Variants in STPG2 observed in about 807,000 individuals in gnomAD.
STPG2 encodes the protein sperm tail PG-rich repeat containing 2.
Under a neutral mutation model 54.2 loss-of-function variants are expected in STPG2, and 56 were observed. The observed-to-expected ratio is 1.03, with a 90% CI of 0.83 to 1.29. The LOEUF (loss-of-function observed/expected upper bound fraction) is 1.29, where lower values mean the gene tolerates loss of function less well. Ranked by LOEUF, STPG2 falls within the 50% of genes most tolerant of loss-of-function variation. The pLI, the probability that STPG2 is intolerant of heterozygous loss-of-function variation, is 0.00. For missense variants in STPG2, 596 were observed against 544.9 expected (o/e 1.09, Z -0.93); for synonymous variants, 200 against 181.8 (o/e 1.10, Z -0.81).
intron 10 of STPG2, among the ~76,000 whole-genome samples, chr4:97,712,193 C>T (rs565846135): frequency 4.9e-4 from 74 of 152,168 alleles, no homozygotes; most frequent in Admixed American, 1.1e-3. Context: ...CTATTGTGAA[C>T]ACAGTTTCTA....
intron 4 of STPG2, among the ~76,000 whole-genome samples, chr4:97,540,228 C>A (rs569028691): frequency 6.6e-6 from 1 of 151,882 alleles, no homozygotes; most frequent in African/African-American, 2.4e-5. Flanking sequence ...AGATTGCTAG[C>A]AAGACTAATA....
At chr4:98,093,018 TAA>T (rs1738736107) in intron 5 of STPG2, among the ~76,000 whole-genome samples, 1 of 152,142 alleles carries the variant, frequency 6.6e-6, no homozygotes, top group African/African-American at 2.4e-5. Context: ...GTTATGTCAA[TAA>T]AGAGCCAAAG....
intron 8 of STPG2, among the ~76,000 whole-genome samples, chr4:97,933,131 T>A (rs1732613391): frequency 6.6e-6 from 1 of 152,228 alleles, no homozygotes; most frequent in Non-Finnish European, 1.5e-5. Flanking sequence ...ATGTTGAGCT[T>A]TTTTTCATTT....
intron 5 of STPG2, among the ~76,000 whole-genome samples, chr4:97,995,454 G>A (rs2149272113): frequency 6.6e-6 from 1 of 152,244 alleles, no homozygotes; most frequent in East Asian, 1.9e-4. Flanking sequence ...AGTTAGTCCT[G>A]CCTCCTATCC....
chr4:97,989,449 T>C (rs959147092), intron 5 of STPG2, among the ~76,000 whole-genome samples: 1 of 152,148 alleles, frequency 6.6e-6, no homozygotes, highest in Admixed American at 6.5e-5. Flanking sequence ...TTTTTTTCTA[T>C]ACATATATAT....
At chr4:97,762,835 A>C (rs1174021938) in intron 9 of STPG2, among the ~76,000 whole-genome samples, 5 of 152,190 alleles carry the variant, frequency 3.3e-5, no homozygotes, top group Non-Finnish European at 5.9e-5. Flanking sequence ...TATGGCTAAA[A>C]AAGAGGAATA....
chr4:97,905,712 T>C (rs1189613967), intron 8 of STPG2, among the ~76,000 whole-genome samples: 1 of 151,954 alleles, frequency 6.6e-6, no homozygotes, highest in Admixed American at 6.6e-5. Context: ...AGGAAACCCA[T>C]CTCACGTGCA....
At chr4:97,523,526 A>T (rs72684421) in intron 4 of STPG2, among the ~76,000 whole-genome samples, 2,820 of 152,070 alleles carry the variant, frequency 0.019, 49 homozygotes, top group Non-Finnish European at 0.026. Context: ...AAGGGTGATT[A>T]AACAGTTAAA....
intron 9 of STPG2, among the ~76,000 whole-genome samples, chr4:97,835,722 T>C (rs1728612627): frequency 6.6e-6 from 1 of 152,098 alleles, no homozygotes; most frequent in Non-Finnish European, 1.5e-5. Flanking sequence ...TAAAACCTTC[T>C]GGAAAGGCTA....
chr4:97,952,503 G>A (rs772536980), intron 7 of STPG2, among the ~76,000 whole-genome samples: 1 of 152,150 alleles, frequency 6.6e-6, no homozygotes, highest in Non-Finnish European at 1.5e-5. Flanking sequence ...CCTAGGACCA[G>A]GAGTCCCTGA....
At chr4:97,595,996 C>A (rs1733279055) in intron 10 of STPG2, among the ~76,000 whole-genome samples, 1 of 152,096 alleles carries the variant, frequency 6.6e-6, no homozygotes. Context: ...GAAGCAAAAA[C>A]CAACAATACG....
rs141587929 is a variant in STPG2 at position 97,812,888 on chromosome 4, C to T, written c.1204+27885G>A. Reference sequence around the variant, plus strand: ...AATAGAATTTCACATGTAACAGGTCCAAAACAGAATATCTTTCTCTTTTTA... The same window carrying T: ...AATAGAATTTCACATGTAACAGGTCTAAAACAGAATATCTTTCTCTTTTTA... On this transcript the variant is annotated intron_variant, in intron 9 of 10. Coordinates refer to ENST00000295268, the MANE Select transcript of STPG2 (RefSeq NM_174952.3). Among the ~76,000 whole-genome samples, 839 of 152,238 alleles carry T rather than the reference C, an allele frequency of 5.5e-3. 9 individuals are homozygous for T. The highest frequency in any genetic ancestry group is 3.0e-3 in the Non-Finnish European group (204 of 68,012).
intron 5 of STPG2, among the ~76,000 whole-genome samples, chr4:98,030,439 A>G (rs1376917215): frequency 1.3e-5 from 2 of 152,202 alleles, no homozygotes; most frequent in Non-Finnish European, 2.9e-5. Flanking sequence ...AATTTCCACA[A>G]TGTTGTTAAA....
intron 8 of STPG2, among the ~76,000 whole-genome samples, chr4:97,843,762 G>A (rs1728867832): frequency 6.6e-6 from 1 of 151,780 alleles, no homozygotes; most frequent in Non-Finnish European, 1.5e-5. Context: ...TTTGTATTTT[G>A]GCAAAACCAT....
At chr4:97,985,851 GATTTTATTTGTAAAA>G (rs1442422756) in intron 5 of STPG2, among the ~76,000 whole-genome samples, 1 of 152,088 alleles carries the variant, frequency 6.6e-6, no homozygotes, top group African/African-American at 2.4e-5. Context: ...TGAAACCTGA[GATTTTATTTGTAAAA>G]ATCATATTTT....
chr4:98,034,397 T>G lies in STPG2; in HGVS notation c.613-53079A>C, dbSNP rs183518628. On this transcript the variant is annotated intron_variant, in intron 5 of 10. Transcript: ENST00000295268. ...CTAGGAATACAACTTACAAGACATG[T>G]GAAGTACCTCTTCAAGGAGAACTAC... is the stretch of plus-strand genomic sequence containing the variant. Among the ~76,000 whole-genome samples, 5 of 152,252 alleles carry G rather than the reference T, an allele frequency of 3.3e-5. No individual in the cohort carries two copies. In the East Asian group the frequency reaches 9.7e-4, roughly 29 times the overall value.
chr4:97,737,374 G>A lies in STPG2; in HGVS notation c.1205-24560C>T, dbSNP rs375813916. ...AAGCTGGACGGAGAATGACTTTGACGAGTTGAGAGAAGAAGGCTTCAGCCG... is the reference window on the plus strand; with the variant it reads ...AAGCTGGACGGAGAATGACTTTGACAAGTTGAGAGAAGAAGGCTTCAGCCG... On this transcript the variant is annotated intron_variant, in intron 9 of 10. Coordinates refer to ENST00000295268, the MANE Select transcript of STPG2 (RefSeq NM_174952.3). 2.2e-4 allele frequency among the ~76,000 whole-genome samples: 34 copies of A among 152,330 alleles called. No homozygotes were observed. The East Asian group carries it at 5.4e-3, about 24-fold the overall frequency.
chr4:97,617,129 A>AGTGTGT lies in STPG2; in HGVS notation c.1321-58018_1321-58013dup, dbSNP rs34498683. Among the ~76,000 whole-genome samples, 659 of 149,782 alleles carry AGTGTGT rather than the reference A, an allele frequency of 4.4e-3. 3 individuals carry two copies. Among genetic ancestry groups the AGTGTGT allele is most frequent in the South Asian group, 0.02 (95 of 4,744 alleles). ...GTGGACACTTAACTATATAATTTAAAGTGTGTGTGTGTGTGTGTGTATGTA... is the reference window on the plus strand; with the variant it reads ...GTGGACACTTAACTATATAATTTAAAGTGTGTGTGTGTGTGTGTGTGTGTGTATGTA... On this transcript the variant is annotated intron_variant, in intron 10 of 10. Transcript: ENST00000295268.
chr4:97,848,543 C>T (rs909818795), intron 8 of STPG2, among the ~76,000 whole-genome samples: 3 of 152,036 alleles, frequency 2.0e-5, no homozygotes, highest in Non-Finnish European at 2.9e-5. Flanking sequence ...TTTGCTGCAT[C>T]GTATTTAGGT....
Sources: allele counts gnomAD v4.1 joint callset (sites outside exome capture counted in the v4.1 genomes callset), GRCh38; gene constraint gnomAD v4.1.1; transcripts MANE v1.5; gene names NCBI Gene and HGNC (gene_info 2026-07-23, HGNC 2026-07-21).